The following BRINP3 variants were observed in gnomAD, a reference collection of about 807,000 sequenced individuals.
BRINP3 encodes BMP/retinoic acid-inducible neural-specific protein 3.
BRINP3 carries 19 observed loss-of-function variants against 71.0 expected under a neutral mutation model. That is an observed-to-expected ratio of 0.27 (90% CI 0.19 to 0.39). The LOEUF is 0.39. BRINP3 is among the 10% of genes least tolerant of loss of function. The probability of loss-of-function intolerance (pLI) is 1.00; values close to 1 mark genes in which losing one functional copy is unlikely to be tolerated. For missense variants in BRINP3, 959 were observed against 940.8 expected (o/e 1.02, Z -0.25); for synonymous variants, 380 against 337.7 (o/e 1.13, Z -1.37).
At chr1:190,409,690 A>G (rs929834908) in intron 2 of BRINP3, among the ~76,000 whole-genome samples, 8 of 152,214 alleles carry the variant, frequency 5.3e-5, no homozygotes, top group Non-Finnish European at 8.8e-5. Context: ...TCATTTGTGC[A>G]ATACATATTT....
chr1:190,291,161 G>A (rs1663836550), intron 2 of BRINP3, among the ~76,000 whole-genome samples: 1 of 152,046 alleles, frequency 6.6e-6, no homozygotes, highest in Non-Finnish European at 1.5e-5. Flanking sequence ...CATGGTAGAA[G>A]GACTTAAAGG....
At chr1:190,258,632 G>A (rs1203665811) in intron 4 of BRINP3, among the ~76,000 whole-genome samples, 3 of 152,152 alleles carry the variant, frequency 2.0e-5, no homozygotes, top group Admixed American at 1.3e-4. Context: ...GAATATTAAA[G>A]AAATACTATG....
At chr1:190,457,229 G>T (rs1333985121) in intron 1 of BRINP3, among the ~76,000 whole-genome samples, 1 of 152,084 alleles carries the variant, frequency 6.6e-6, no homozygotes, top group Non-Finnish European at 1.5e-5. Flanking sequence ...ATCACCTGAG[G>T]TTGGGAGTTC....
At chr1:190,218,797 G>T (rs1374506584) in intron 6 of BRINP3, among the ~76,000 whole-genome samples, 1 of 151,390 alleles carries the variant, frequency 6.6e-6, no homozygotes, top group Non-Finnish European at 1.5e-5. Context: ...TGTTTTTAAT[G>T]CTCTATTTTG....
chr1:190,373,434 ATGTGTGTG>A (rs71123087), intron 2 of BRINP3, among the ~76,000 whole-genome samples: 15 of 143,918 alleles, frequency 1.0e-4, no homozygotes, highest in East Asian at 6.1e-4. Flanking sequence ...ATATATATAT[ATGTGTGTG>A]TGTGTGTGTG....
chr1:190,408,827 C>T (rs1672472630), intron 2 of BRINP3, among the ~76,000 whole-genome samples: 1 of 152,114 alleles, frequency 6.6e-6, no homozygotes, highest in Non-Finnish European at 1.5e-5. Context: ...AGATGTTAAC[C>T]ATCTTAGTTG....
intron 7 of BRINP3, among the ~76,000 whole-genome samples, chr1:190,111,720 C>A (rs1050451699): frequency 6.6e-6 from 1 of 152,040 alleles, no homozygotes; most frequent in Non-Finnish European, 1.5e-5. Flanking sequence ...CAGGAGCCAT[C>A]TTGCCATTTC....
Position 190,335,430 on chromosome 1 carries a change from TA to T in BRINP3, c.237-53681del, listed in dbSNP as rs369142436. ...TGTCTTTATTTTATAAATACTATAC[TA>T]AAAAATGATAATTTTTTACTTACAT... On this transcript the variant is annotated intron_variant, in intron 2 of 7. Transcript: ENST00000367462. Among the ~76,000 whole-genome samples, 25 of 151,984 alleles carry T rather than the reference TA, an allele frequency of 1.6e-4. No individual in the cohort carries two copies. The East Asian group carries it at 4.1e-3, about 25-fold the overall frequency.
intron 3 of BRINP3, among the ~76,000 whole-genome samples, chr1:190,275,271 T>C (rs1662458559): frequency 6.6e-6 from 1 of 151,656 alleles, no homozygotes; most frequent in Non-Finnish European, 1.5e-5. Flanking sequence ...TTTTGGTATG[T>C]ATAGTTACAA....
chr1:190,141,803 C>G (rs569096017), intron 7 of BRINP3, among the ~76,000 whole-genome samples: 22 of 151,914 alleles, frequency 1.4e-4, no homozygotes, highest in African/African-American at 5.3e-4. Context: ...TGTGATCAGC[C>G]TGCCACGGCC....
At chr1:190,421,879 T>G (rs942191515) in intron 2 of BRINP3, among the ~76,000 whole-genome samples, 3 of 151,892 alleles carry the variant, frequency 2.0e-5, no homozygotes, top group Admixed American at 6.6e-5. Flanking sequence ...CTTATTTATA[T>G]TTATTTTGTG....
chr1:190,176,510 C>T (rs1458303354), intron 6 of BRINP3, among the ~76,000 whole-genome samples: 1 of 152,062 alleles, frequency 6.6e-6, no homozygotes, highest in Non-Finnish European at 1.5e-5. Context: ...ATGAAAAGTA[C>T]CTTGGAAGTG....
intron 2 of BRINP3, among the ~76,000 whole-genome samples, chr1:190,287,403 C>T (rs1242144904): frequency 1.3e-5 from 2 of 152,054 alleles, no homozygotes; most frequent in Admixed American, 6.6e-5. Flanking sequence ...AAAGTCCACT[C>T]TCCCTTTAGC....
At position 190,295,233 on chromosome 1, in the gene BRINP3, C is replaced by T. The variant is rs552309761; in HGVS notation, c.237-13483G>A. ...TTGTTCTGCCAGGATGGTGGATTCC[C>T]TTCTGGCCCAGGATGGATCTAGAAG... On this transcript the variant is annotated intron_variant, in intron 2 of 7. Coordinates refer to ENST00000367462, the MANE Select transcript of BRINP3 (RefSeq NM_199051.3). 8.5e-5 allele frequency among the ~76,000 whole-genome samples: 13 copies of T among 152,194 alleles called. No homozygotes were observed. The South Asian group carries it at 2.3e-3, about 27-fold the overall frequency.
intron 2 of BRINP3, among the ~76,000 whole-genome samples, chr1:190,415,386 C>T (rs955567218): frequency 3.3e-5 from 5 of 151,960 alleles, no homozygotes; most frequent in Admixed American, 6.6e-5. Flanking sequence ...ATTTGCAAGC[C>T]TTCAACATAT....
At chr1:190,447,838 T>C (rs1022606289) in intron 2 of BRINP3, among the ~76,000 whole-genome samples, 1 of 151,712 alleles carries the variant, frequency 6.6e-6, no homozygotes, top group African/African-American at 2.4e-5. Flanking sequence ...AAATAAATTA[T>C]AGCTCATCCT....
At chr1:190,206,082 A>G (rs1655473379) in intron 6 of BRINP3, among the ~76,000 whole-genome samples, 1 of 152,040 alleles carries the variant, frequency 6.6e-6, no homozygotes, top group South Asian at 2.1e-4. Flanking sequence ...GAGCCAAACT[A>G]TCCATTGTTT....
chr1:190,397,563 C>A (rs896575915), intron 2 of BRINP3, among the ~76,000 whole-genome samples: 28 of 152,076 alleles, frequency 1.8e-4, no homozygotes, highest in African/African-American at 6.7e-4. Context: ...TCTCTCTACA[C>A]TGAGAATGCC....
chr1:190,428,667 T>A, intron 2 of BRINP3, among the ~76,000 whole-genome samples: 1 of 152,110 alleles, frequency 6.6e-6, no homozygotes, highest in East Asian at 1.9e-4. Context: ...TTATTTTGAA[T>A]GTTTCCAACA....
Sources: allele counts gnomAD v4.1 joint callset (sites outside exome capture counted in the v4.1 genomes callset), GRCh38; gene constraint gnomAD v4.1.1; transcripts MANE v1.5; gene names NCBI Gene and HGNC (gene_info 2026-07-23, HGNC 2026-07-21).